The following RAP1GDS1 variants were observed in gnomAD, a reference collection of about 807,000 sequenced individuals.
RAP1GDS1 encodes Rap1 GTPase-GDP dissociation stimulator 1.
Under a neutral mutation model 71.1 loss-of-function variants are expected in RAP1GDS1, and 35 were observed. That is an observed-to-expected ratio of 0.49 (90% CI 0.38 to 0.65). RAP1GDS1 has a LOEUF of 0.65. Among genes scored for constraint, RAP1GDS1 ranks in the 30% least tolerant of loss-of-function variants. RAP1GDS1 has a pLI of 0.00. For missense variants in RAP1GDS1, 663 were observed against 706.1 expected (o/e 0.94, Z 0.69); for synonymous variants, 229 against 243.1 (o/e 0.94, Z 0.54).
At chr4:98,351,387 A>C (rs1737165369) in intron 3 of RAP1GDS1, among the ~76,000 whole-genome samples, 1 of 152,152 alleles carries the variant, frequency 6.6e-6, no homozygotes, top group Non-Finnish European at 1.5e-5. Flanking sequence ...CAGAGGTGAC[A>C]GCTGACAGAA....
At chr4:98,308,425 G>C (rs1039148687) in intron 2 of RAP1GDS1, among the ~76,000 whole-genome samples, 1 of 148,888 alleles carries the variant, frequency 6.7e-6, no homozygotes, top group Non-Finnish European at 1.5e-5. Flanking sequence ...AGCCATGATT[G>C]TGCCACTGCA....
chr4:98,349,213 G>A (rs373600458), intron 3 of RAP1GDS1, among the ~76,000 whole-genome samples: 1 of 152,108 alleles, frequency 6.6e-6, no homozygotes, highest in Admixed American at 6.6e-5. Context: ...AGCACCATTT[G>A]TTAAATAGGG....
intron 5 of RAP1GDS1, among the ~76,000 whole-genome samples, chr4:98,381,132 C>T (rs1741944535): frequency 6.6e-6 from 1 of 151,440 alleles, no homozygotes; most frequent in African/African-American, 2.4e-5. Context: ...TCAGGCATTC[C>T]CAAGAAATAA....
chr4:98,443,117 G>A lies in RAP1GDS1; in HGVS notation c.*1000G>A. The A allele has an allele frequency of 4.5e-6, 1 of 223,602 alleles. No homozygotes were observed. Among genetic ancestry groups the A allele is most frequent in the Non-Finnish European group, 8.7e-6 (1 of 114,300 alleles). 13.9% of individuals were successfully genotyped at this position (223,602 alleles called of 1,614,324 possible). A position where few individuals can be genotyped will look rare whatever the true frequency, so the allele number is the denominator to read the frequency against. On this transcript the variant is annotated 3_prime_UTR_variant, in exon 15 of 15. Coordinates refer to ENST00000408927, the MANE Select transcript of RAP1GDS1 (RefSeq NM_001100427.2). ...TTTAAATCTTATGTTAGAACTAGCA[G>A]GACGTAGGTGGAAAGATGAAGAAAT...
rs1038744601 is a variant in RAP1GDS1 at position 98,285,944 on chromosome 4, T to A, written c.5-7464T>A. On this transcript the variant is annotated intron_variant, in intron 1 of 14. Coordinates refer to ENST00000408927, the MANE Select transcript of RAP1GDS1 (RefSeq NM_001100427.2). ...ATTTATTTATAAATATATTCATATT[T>A]ATTATAATAATGGGCACATTTTATT... 5.4e-5 allele frequency among the ~76,000 whole-genome samples: 8 copies of A among 148,624 alleles called. 1 individual carries two copies. Among genetic ancestry groups the A allele is most frequent in the African/African-American group, 2.0e-4 (8 of 40,990 alleles).
intron 3 of RAP1GDS1, among the ~76,000 whole-genome samples, chr4:98,346,793 C>T (rs1736371061): frequency 6.6e-6 from 1 of 152,124 alleles, no homozygotes; most frequent in African/African-American, 2.4e-5. Context: ...ATCTGCCCAC[C>T]TTGGTCTCCC....
rs183776559 is a variant in RAP1GDS1 at position 98,409,973 on chromosome 4, T to C, written c.763+5371T>C. On this transcript the variant is annotated intron_variant, in intron 7 of 14. Coordinates refer to ENST00000408927, the MANE Select transcript of RAP1GDS1 (RefSeq NM_001100427.2). ...GAAAAAATTGAGACATTGGTTACTT[T>C]AAAAGTAAAACTTCTGGCTAGCCTG... Among the ~76,000 whole-genome samples the C allele has an allele frequency of 5.3e-5, 8 of 152,248 alleles. No homozygotes were observed. The East Asian group carries it at 1.6e-3, about 30-fold the overall frequency.
chr4:98,412,681 G>C lies in RAP1GDS1; in HGVS notation c.764-4064G>C, dbSNP rs1052890166. On this transcript the variant is annotated intron_variant, in intron 7 of 14. Transcript: ENST00000408927. ...GGGAACCAGCCCCCAATATTTCAAT[G>C]TATGTTCTATTTTCCCTAAATGTCG... is the stretch of plus-strand genomic sequence containing the variant. 1.6e-4 allele frequency among the ~76,000 whole-genome samples: 25 copies of C among 152,138 alleles called. 1 individual carries two copies. The highest frequency in any genetic ancestry group is 5.8e-4 in the African/African-American group (24 of 41,424).
chr4:98,343,236 C>T lies in RAP1GDS1; in HGVS notation c.210C>T (p.Asn70=), dbSNP rs2110397490. 6.2e-7 allele frequency: 1 copy of T among 1,605,960 alleles called. No individual in the cohort carries two copies. Among genetic ancestry groups the T allele is most frequent in the Non-Finnish European group, 8.5e-7 (1 of 1,172,658 alleles). Residue 70 remains asparagine (N), a synonymous_variant, in exon 3 of 15, where the codon AAC becomes AAT. Coordinates refer to ENST00000408927, the MANE Select transcript of RAP1GDS1 (RefSeq NM_001100427.2). ...CTTCCTGCAAAGCCAAAGTAGCTAA[C>T]ATCATAGCAGAAGTAGCCAAAAATG... is the stretch of plus-strand genomic sequence containing the variant. ...PQSSCKAKVA[N]IIAEVAKNEF...
chr4:98,392,834 T>C (rs559116296), intron 6 of RAP1GDS1, among the ~76,000 whole-genome samples: 1 of 152,334 alleles, frequency 6.6e-6, no homozygotes, highest in South Asian at 2.1e-4. Flanking sequence ...CTTTTTTCTA[T>C]GAATATATGT....
At chr4:98,263,216 T>C (rs1227800824) in intron 1 of RAP1GDS1, among the ~76,000 whole-genome samples, 2 of 152,212 alleles carry the variant, frequency 1.3e-5, no homozygotes, top group Non-Finnish European at 2.9e-5. Context: ...ATATACAGTA[T>C]GTCCAATAAC....
chr4:98,356,134 T>A (rs1026673925), intron 4 of RAP1GDS1, among the ~76,000 whole-genome samples: 1 of 152,138 alleles, frequency 6.6e-6, no homozygotes, highest in Non-Finnish European at 1.5e-5. Context: ...GAAAGGAAAG[T>A]TGTATTTCAA....
chr4:98,439,487 C>G (rs903228762), intron 14 of RAP1GDS1, among the ~76,000 whole-genome samples: 8 of 152,106 alleles, frequency 5.3e-5, no homozygotes, highest in African/African-American at 1.4e-4. Flanking sequence ...TTGACTGTTA[C>G]TTCTTCAGGT....
intron 1 of RAP1GDS1, among the ~76,000 whole-genome samples, chr4:98,264,636 A>G (rs974794256): frequency 1.3e-5 from 2 of 152,230 alleles, no homozygotes; most frequent in African/African-American, 4.8e-5. Flanking sequence ...CAGGAACAAT[A>G]TGACACATAC....
At chr4:98,276,713 T>C (rs564234850) in intron 1 of RAP1GDS1, among the ~76,000 whole-genome samples, 1 of 152,166 alleles carries the variant, frequency 6.6e-6, no homozygotes, top group African/African-American at 2.4e-5. Flanking sequence ...AAGGAAATGC[T>C]GGGACTATGG....
chr4:98,363,467 A>AG (rs1420816059), intron 4 of RAP1GDS1, among the ~76,000 whole-genome samples: 1 of 128,628 alleles, frequency 7.8e-6, no homozygotes, highest in Non-Finnish European at 1.6e-5. Flanking sequence ...AATAACAGTG[A>AG]GACCCTGTCT....
intron 1 of RAP1GDS1, among the ~76,000 whole-genome samples, chr4:98,283,056 A>G (rs532086566): frequency 6.6e-6 from 1 of 152,328 alleles, no homozygotes; most frequent in South Asian, 2.1e-4. Flanking sequence ...TGAGAAACAC[A>G]TACCATCAAA....
At chr4:98,271,511 A>G (rs187385617) in intron 1 of RAP1GDS1, among the ~76,000 whole-genome samples, 1 of 152,322 alleles carries the variant, frequency 6.6e-6, no homozygotes, top group East Asian at 1.9e-4. Context: ...GCACATCATT[A>G]TATACCATAT....
chr4:98,396,334 C>CTGG (rs1251259158), intron 6 of RAP1GDS1: 4 of 152,112 alleles, frequency 2.6e-5, no homozygotes, highest in African/African-American at 9.7e-5. Flanking sequence ...GAGCCCTGGC[C>CTGG]TGGTAGGAGA....
Sources: gnomAD v4.1 joint callset for allele counts (sites outside exome capture counted in the v4.1 genomes callset) on GRCh38, gnomAD v4.1.1 for gene constraint, MANE v1.5 for transcripts, NCBI Gene and HGNC (gene_info 2026-07-23, HGNC 2026-07-21) for gene names.